Variants in CYP11A1 observed in about 807,000 individuals in gnomAD.
CYP11A1 encodes the protein cholesterol side-chain cleavage enzyme, mitochondrial.
In CYP11A1, 25 loss-of-function variants were observed where a neutral mutation model predicts 51.9. The observed-to-expected ratio is 0.48, with a 90% CI of 0.35 to 0.67. The LOEUF (loss-of-function observed/expected upper bound fraction) is 0.67, where lower values mean the gene tolerates loss of function less well. Among genes scored for constraint, CYP11A1 ranks in the 30% least tolerant of loss-of-function variants. The pLI is 0.00. For synonymous variants in CYP11A1, 245 were observed against 262.1 expected (o/e 0.93, Z 0.63); for missense variants, 578 against 680.9 (o/e 0.85, Z 1.68).
At position 74,346,765 on chromosome 15, in the gene CYP11A1, C is replaced by T. The variant is rs182087346; in HGVS notation, c.425+1135G>A. On this transcript the variant is annotated intron_variant, in intron 2 of 8. Coordinates refer to ENST00000268053, the MANE Select transcript of CYP11A1 (RefSeq NM_000781.3). Reference sequence around the variant, plus strand: ...GCCCCAGTTGCTCTGTAGCCTTACCCACACTTGATATGGTTACGTTTTACC... The same window carrying T: ...GCCCCAGTTGCTCTGTAGCCTTACCTACACTTGATATGGTTACGTTTTACC... Among the ~76,000 whole-genome samples the T allele has an allele frequency of 3.7e-3, 568 of 151,980 alleles. 3 individuals are homozygous for T. The highest frequency in any genetic ancestry group is 0.014 in the Middle Eastern group (4 of 292).
At chr15:74,342,532 G>C (rs1310960663) in intron 5 of CYP11A1, among the ~76,000 whole-genome samples, 1 of 152,174 alleles carries the variant, frequency 6.6e-6, no homozygotes, top group Non-Finnish European at 1.5e-5. Context: ...AAAGACCATG[G>C]ACGGCAGAGC....
In CYP11A1 at chr15:74,367,441, T is replaced by G. The variant is rs1225163253; in HGVS notation, c.145A>C (p.Asn49His). ...TTGTCACCAGGAGAGGGGATCTCAT[T>G]GAAGGGGCGAGGACTGCGGGTGGAG... ...GISTRSPRPF[N>H]EIPSPGDNGW... Residue 49 changes from asparagine (N) to histidine (H), a missense_variant, in exon 1 of 9, where the codon AAT (asparagine) becomes CAT (histidine). By Grantham distance (68) the Asn-to-His change is moderately conservative. Coordinates refer to ENST00000268053, the MANE Select transcript of CYP11A1 (RefSeq NM_000781.3). The G allele has an allele frequency of 6.2e-7, 1 of 1,614,182 alleles. No homozygotes were observed.
At chr15:74,340,884 G>A (rs1567051721) in intron 5 of CYP11A1, among the ~76,000 whole-genome samples, 1 of 152,026 alleles carries the variant, frequency 6.6e-6, no homozygotes, top group Non-Finnish European at 1.5e-5. Flanking sequence ...CAGCTACATG[G>A]AGTGGCACAC....
chr15:74,337,772 C>A lies in CYP11A1; in HGVS notation c.*200G>T. 1.5e-6 allele frequency: 1 copy of A among 666,220 alleles called. No homozygotes were observed. Among genetic ancestry groups the A allele is most frequent in the South Asian group, 1.6e-5 (1 of 60,748 alleles). 41.3% of individuals were successfully genotyped at this position (666,220 alleles called of 1,614,324 possible). A position where few individuals can be genotyped will look rare whatever the true frequency, so the allele number is the denominator to read the frequency against. On this transcript the variant is annotated 3_prime_UTR_variant, in exon 9 of 9. Coordinates refer to ENST00000268053, the MANE Select transcript of CYP11A1 (RefSeq NM_000781.3). ...GAACGCAAGACACCACATGGTTCAGCTGTTTATTGTCTCCATGGGGTGGGT... is the reference window on the plus strand; with the variant it reads ...GAACGCAAGACACCACATGGTTCAGATGTTTATTGTCTCCATGGGGTGGGT...
At chr15:74,344,711 G>T (rs2060623653) in intron 3 of CYP11A1, among the ~76,000 whole-genome samples, 1 of 152,220 alleles carries the variant, frequency 6.6e-6, no homozygotes. Flanking sequence ...AGGAGGTGGA[G>T]ACTTGCAGAA....
intron 2 of CYP11A1, among the ~76,000 whole-genome samples, chr15:74,346,140 G>A (rs895276351): frequency 2.6e-5 from 4 of 152,110 alleles, no homozygotes; most frequent in Admixed American, 6.5e-5. Context: ...ATCACCTGAG[G>A]TCAGGAGTTC....
chr15:74,356,957 T>C (rs1567056521), intron 1 of CYP11A1, among the ~76,000 whole-genome samples: 3 of 152,222 alleles, frequency 2.0e-5, no homozygotes, highest in Non-Finnish European at 4.4e-5. Context: ...TAAAGCCTGT[T>C]ATCACTTGCC....
intron 1 of CYP11A1, among the ~76,000 whole-genome samples, chr15:74,354,134 AG>A (rs1163043938): frequency 6.6e-6 from 1 of 152,198 alleles, no homozygotes; most frequent in Non-Finnish European, 1.5e-5. Flanking sequence ...GGGGCCACTC[AG>A]GGAGAGAATG....
chr15:74,338,683 A>C lies in CYP11A1; in HGVS notation c.1322T>G (p.Leu441Arg). 2 of 1,614,178 alleles carry C rather than the reference A, an allele frequency of 1.2e-6. No individual in the cohort carries two copies. Among genetic ancestry groups the C allele is most frequent in the Non-Finnish European group, 1.7e-6 (2 of 1,180,014 alleles). The stretch of plus-strand genomic sequence containing the variant: ...GTAGGTGATGTTCTTGTCTTTGCTC[A>C]GCCATCGGGTTGGGTCAAAATTTTC... ...DPENFDPTRWLSKDKNITYFR... is the reference protein window; with the variant it reads ...DPENFDPTRWRSKDKNITYFR... Residue 441 changes from leucine to arginine, a missense_variant, in exon 8 of 9, where the codon CTG becomes CGG. Physicochemically the swap from Leu to Arg is moderately radical, Grantham distance 102 (BLOSUM62 -2). Coordinates refer to ENST00000268053, the MANE Select transcript of CYP11A1 (RefSeq NM_000781.3).
chr15:74,338,495 T>C, intron 8 of CYP11A1, 76 bp downstream of exon 8: 1 of 1,437,114 alleles, frequency 7.0e-7, no homozygotes, highest in Non-Finnish European at 9.8e-7. Context: ...TGGACAGAGA[T>C]AGGAGGAGGA....
chr15:74,345,433 G>T lies in CYP11A1; in HGVS notation c.426-190C>A. 1.6e-6 allele frequency: 1 copy of T among 634,278 alleles called. No homozygotes were observed. The highest frequency in any genetic ancestry group is 1.9e-5 in the South Asian group (1 of 52,378). 39.3% of individuals were successfully genotyped at this position (634,278 alleles called of 1,614,324 possible). On this transcript the variant is annotated intron_variant, in intron 2 of 8. Coordinates refer to ENST00000268053, the MANE Select transcript of CYP11A1 (RefSeq NM_000781.3). This position sits in a 1 kb window ranked among gnomAD's most constrained non-coding sequence, Gnocchi z 4.3. ...ACCTCCTCCCTGCTCTGCCTGGCTG[G>T]GAGAAGAGAAAGGAAAAAAGAGAGT...
At chr15:74,346,331 T>G (rs1378022776) in intron 2 of CYP11A1, among the ~76,000 whole-genome samples, 1 of 124,140 alleles carries the variant, frequency 8.1e-6, no homozygotes, top group African/African-American at 3.2e-5. Context: ...CCAGCCTGGG[T>G]GACAGAGCAA....
chr15:74,360,397 T>C (rs952757734), intron 1 of CYP11A1, among the ~76,000 whole-genome samples: 3 of 152,086 alleles, frequency 2.0e-5, no homozygotes, highest in East Asian at 1.9e-4. Flanking sequence ...TTCTCTGCCC[T>C]AGCCTCCTGA....
intron 1 of CYP11A1, among the ~76,000 whole-genome samples, chr15:74,349,926 TG>T (rs996457393): frequency 1.6e-4 from 24 of 152,058 alleles, no homozygotes; most frequent in Non-Finnish European, 2.9e-4. Flanking sequence ...CACTCCACCC[TG>T]GGAGACAGAG....
chr15:74,360,917 T>C (rs930168117), intron 1 of CYP11A1, among the ~76,000 whole-genome samples: 2 of 152,124 alleles, frequency 1.3e-5, no homozygotes, highest in African/African-American at 4.8e-5. Context: ...AAAAACAAAT[T>C]TGCCATTATA....
chr15:74,343,827 T>C lies in CYP11A1; in HGVS notation c.791A>G (p.Lys264Arg), dbSNP rs748696667. 4 of 1,613,274 alleles carry C rather than the reference T, an allele frequency of 2.5e-6. No homozygotes were observed. Among genetic ancestry groups the C allele is most frequent in the Non-Finnish European group, 3.4e-6 (4 of 1,180,034 alleles). The change falls in exon 4 of 9, where the codon AAG becomes AGG. Residue 264 changes from lysine to arginine, a missense_variant. By Grantham distance (26) the Lys-to-Arg change is conservative. Transcript: ENST00000268053. ...CACGTCCCATGCAGCCACATGGTCC[T>C]TCCAGGTCTTGGTCCTGAACAGACG... ...LFRLFRTKTW[K>R]DHVAAWDVIF... is the part of the protein sequence containing the mutation.
At chr15:74,356,995 T>A (rs749660217) in intron 1 of CYP11A1, among the ~76,000 whole-genome samples, 5 of 152,218 alleles carry the variant, frequency 3.3e-5, no homozygotes, top group Admixed American at 2.0e-4. Context: ...TTAAAGCCTA[T>A]AATCTCTCCT....
At chr15:74,349,242 A>G (rs1010066889) in intron 1 of CYP11A1, among the ~76,000 whole-genome samples, 4 of 152,226 alleles carry the variant, frequency 2.6e-5, no homozygotes, top group Non-Finnish European at 5.9e-5. Flanking sequence ...TAAGCAAAAA[A>G]TAAGAAATAA....
At position 74,363,582 on chromosome 15, in the gene CYP11A1, T is replaced by A. The variant is rs530217252; in HGVS notation, c.269+3735A>T. On this transcript the variant is annotated intron_variant, in intron 1 of 8. Transcript: ENST00000268053. ...TTGGGTAAGGAGTATACTCCCAAAT[T>A]CTTGGTATTATCCTCCTAATAGCCA... The A allele has an allele frequency of 5.9e-5, 9 of 152,284 alleles. 1 individual carries two copies. The South Asian group carries it at 1.7e-3, about 28-fold the overall frequency. 9.4% of individuals were successfully genotyped at this position (152,284 alleles called of 1,614,324 possible).
Sources: allele counts gnomAD v4.1 joint callset (sites outside exome capture counted in the v4.1 genomes callset), GRCh38; gene constraint gnomAD v4.1.1; non-coding constraint Gnocchi (gnomAD v3.1); transcripts MANE v1.5; gene names NCBI Gene and HGNC (gene_info 2026-07-23, HGNC 2026-07-21).